PGM1: variants seen among roughly 807,000 people sequenced by gnomAD.
PGM1 encodes phosphoglucomutase-1.
A neutral mutation model predicts 55.6 loss-of-function variants in PGM1; 52 were observed. That is an observed-to-expected ratio of 0.94 (90% CI 0.75 to 1.18). The LOEUF is 1.18. Ranked by LOEUF, PGM1 falls within the 50% of genes most tolerant of loss-of-function variation. The pLI, the probability that PGM1 is intolerant of heterozygous loss-of-function variation, is 0.00. For synonymous variants in PGM1, 287 were observed against 271.7 expected, an observed-to-expected ratio of 1.06 and a Z score of -0.55; for missense variants, 724 against 729.3, an observed-to-expected ratio of 0.99 and a Z score of 0.08.
At chr1:63,596,548 C>T (rs1371228473) in intron 1 of PGM1, among the ~76,000 whole-genome samples, 2 of 152,062 alleles carry the variant, frequency 1.3e-5, no homozygotes, top group African/African-American at 2.4e-5. Context: ...TGAGCCACTG[C>T]GCCTGGCCTA....
chr1:63,609,496 TGGGTAGTTACAACA>T (rs1028191269), intron 1 of PGM1, among the ~76,000 whole-genome samples: 8 of 152,186 alleles, frequency 5.3e-5, no homozygotes, highest in African/African-American at 1.9e-4. Context: ...AGGCACTCCA[TGGGTAGTTACAACA>T]GGGTGCGAAT....
chr1:63,651,773 A>G lies in PGM1; in HGVS notation c.1385A>G (p.Asn462Ser). ...TTTGTGGGGAAGCAGTTCTCAGCAA[A>G]TGACAAAGTTTACACTGTGGAGAAG... ...RSFVGKQFSA[N>S]DKVYTVEKAD... is the part of the protein sequence containing the mutation. The change falls in exon 9 of 11, where the codon AAT (asparagine) becomes AGT (serine). Residue 462 changes from asparagine to serine, a missense_variant. Around this residue, in one of 3 missense-constraint regions of PGM1, gnomAD observed 316 missense variants for 313.1 expected, o/e 1.01. Coordinates refer to ENST00000371084, the MANE Select transcript of PGM1 (RefSeq NM_002633.3). 1 of 1,613,972 alleles carries G rather than the reference A, an allele frequency of 6.2e-7. No individual in the cohort carries two copies. The highest frequency in any genetic ancestry group is 1.3e-5 in the African/African-American group (1 of 75,024).
At position 63,648,402 on chromosome 1, in the gene PGM1, G is replaced by A. The variant is rs1649710035; in HGVS notation, c.1145-115G>A. ...CCATGATCCAATCACTTCCCATCAC[G>A]TCCCTCCCTCAACATGAGATTTGGG... On this transcript the variant is annotated intron_variant, in intron 7 of 10. Coordinates refer to ENST00000371084, the MANE Select transcript of PGM1 (RefSeq NM_002633.3). The A allele has an allele frequency of 9.9e-6, 11 of 1,116,374 alleles. No individual in the cohort carries two copies. In the East Asian group the frequency reaches 1.2e-4, roughly 12 times the overall value. 69.2% of individuals were successfully genotyped at this position (1,116,374 alleles called of 1,614,324 possible). A position where few individuals can be genotyped will look rare whatever the true frequency, so the allele number is the denominator to read the frequency against.
chr1:63,624,010 G>C (rs966898494), intron 1 of PGM1, among the ~76,000 whole-genome samples: 3 of 152,198 alleles, frequency 2.0e-5, no homozygotes, highest in Admixed American at 6.5e-5. Flanking sequence ...GCTTGACAAA[G>C]TACCTGTTGC....
In PGM1 at chr1:63,648,560, T is replaced by C. The variant is rs774386739; in HGVS notation, c.1188T>C (p.Leu396=). ...IREKDGLWAV[L]AWLSILATRK... is the part of the protein sequence containing the mutation. ...AGAAAGATGGACTGTGGGCTGTCCT[T>C]GCCTGGCTCTCCATCCTAGCCACCC... The change falls in exon 8 of 11, where the codon CTT becomes CTC. Residue 396 remains leucine (L), a synonymous_variant. Coordinates refer to ENST00000371084, the MANE Select transcript of PGM1 (RefSeq NM_002633.3). The C allele has an allele frequency of 7.4e-6, 12 of 1,614,010 alleles. No individual in the cohort carries two copies. The highest frequency in any genetic ancestry group is 6.7e-5 in the Admixed American group (4 of 59,994).
intron 10 of PGM1, among the ~76,000 whole-genome samples, chr1:63,654,812 C>T (rs115473345): frequency 0.014 from 2,138 of 151,924 alleles, 55 homozygotes; most frequent in African/African-American, 0.05. Flanking sequence ...TATGGTTTGC[C>T]AGGCTGTGTT....
At chr1:63,604,917 C>CGTGTGTGTGTGTG (rs1451319454) in intron 1 of PGM1, among the ~76,000 whole-genome samples, 1 of 118,786 alleles carries the variant, frequency 8.4e-6, no homozygotes, top group East Asian at 2.7e-4. Context: ...TTACATAACT[C>CGTGTGTGTGTGTG]TGTGTGTGTG....
chr1:63,652,898 T>C (rs569177445), intron 9 of PGM1, among the ~76,000 whole-genome samples: 1 of 152,276 alleles, frequency 6.6e-6, no homozygotes, highest in African/African-American at 2.4e-5. Flanking sequence ...GTTTGGATGA[T>C]TGTAAATTAT....
In PGM1 at chr1:63,654,597, T is replaced by C. The variant is rs866413091; in HGVS notation, c.1599+131T>C. 21 of 820,764 alleles carry C rather than the reference T, an allele frequency of 2.6e-5. 1 individual carries two copies. In the Middle Eastern group the frequency reaches 1.8e-3, roughly 72 times the overall value. The allele number at this position is 820,764 out of a possible 1,614,324, so 50.8% of individuals were successfully genotyped here. On this transcript the variant is annotated intron_variant, in intron 10 of 10. Coordinates refer to ENST00000371084, the MANE Select transcript of PGM1 (RefSeq NM_002633.3). Reference sequence around the variant, plus strand: ...TACCAGCTGTGCTTACTTTCTTCCATGTTTCTTTCTCCATGTCAACATTAT... The same window carrying C: ...TACCAGCTGTGCTTACTTTCTTCCACGTTTCTTTCTCCATGTCAACATTAT...
intron 7 of PGM1, among the ~76,000 whole-genome samples, chr1:63,647,826 T>C (rs1649696400): frequency 6.6e-6 from 1 of 152,238 alleles, no homozygotes; most frequent in Non-Finnish European, 1.5e-5. Flanking sequence ...GTAATGGTCA[T>C]GTTCTTCTGC....
At chr1:63,622,630 T>A (rs1648912038) in intron 1 of PGM1, among the ~76,000 whole-genome samples, 2 of 152,186 alleles carry the variant, frequency 1.3e-5, no homozygotes, top group Non-Finnish European at 2.9e-5. Context: ...AAGGACTTGG[T>A]GCATCCTCAC....
At chr1:63,643,333 G>T (rs1211670356) in intron 7 of PGM1, among the ~76,000 whole-genome samples, 1 of 152,194 alleles carries the variant, frequency 6.6e-6, no homozygotes, top group African/African-American at 2.4e-5. Flanking sequence ...CTTCTTATGT[G>T]CTTGGTACAT....
At chr1:63,634,743 T>C in intron 4 of PGM1, 86 bp from the exon 5 acceptor site, 1 of 1,077,550 alleles carries the variant, frequency 9.3e-7, no homozygotes, top group Non-Finnish European at 1.4e-6. Context: ...CTCCCCAGAA[T>C]GCATCCACCT....
chr1:63,633,947 T>TTTTTTTTTTTTA (rs1649290635), intron 4 of PGM1, among the ~76,000 whole-genome samples: 1 of 119,762 alleles, frequency 8.3e-6, no homozygotes, highest in Non-Finnish European at 1.7e-5. Context: ...TTTTTTTTTT[T>TTTTTTTTTTTTA]TTTTTTTTTT....
intron 1 of PGM1, among the ~76,000 whole-genome samples, chr1:63,598,042 T>C (rs1648133770): frequency 6.6e-6 from 1 of 152,172 alleles, no homozygotes; most frequent in African/African-American, 2.4e-5. Flanking sequence ...CGATCGTGGC[T>C]TACTGCAGCC....
Position 63,645,524 on chromosome 1 carries a change from CA to C in PGM1, c.1145-2989del, listed in dbSNP as rs1363391258. On this transcript the variant is annotated intron_variant, in intron 7 of 10. Transcript: ENST00000371084. ...CTTGCTTCTCAGGATGAACTGTTGC[CA>C]AAACATATCATTTGCAAAAGCCGTA... is the stretch of plus-strand genomic sequence containing the variant. Among the ~76,000 whole-genome samples, 12 of 152,100 alleles carry C rather than the reference CA, an allele frequency of 7.9e-5. 3 individuals carry two copies. The highest frequency in any genetic ancestry group is 1.9e-4 in the East Asian group (1 of 5,168).
intron 1 of PGM1, chr1:63,594,045 C>G (rs999852802): frequency 9.2e-7 from 1 of 1,092,660 alleles, no homozygotes; most frequent in Non-Finnish European, 1.1e-6. Context: ...TTCCCTCTCC[C>G]CGTCCCCCGC....
intron 1 of PGM1, among the ~76,000 whole-genome samples, chr1:63,602,761 G>T (rs185202802): frequency 9.1e-4 from 139 of 152,270 alleles, no homozygotes; most frequent in Non-Finnish European, 4.0e-4. Context: ...GAGCTGATTG[G>T]TGAAACTTCA....
At chr1:63,625,565 ACTG>A (rs1207710402) in intron 1 of PGM1, among the ~76,000 whole-genome samples, 2 of 152,164 alleles carry the variant, frequency 1.3e-5, no homozygotes, top group Non-Finnish European at 2.9e-5. Flanking sequence ...TGTGGGTGGG[ACTG>A]CAGGGAGGAA....
Sources: gnomAD v4.1 joint callset for allele counts (sites outside exome capture counted in the v4.1 genomes callset) on GRCh38, gnomAD v4.1.1 for gene constraint, gnomAD v4.1.1 regional missense constraint, MANE v1.5 for transcripts, NCBI Gene and HGNC (gene_info 2026-07-23, HGNC 2026-07-21) for gene names.